Variants in MTUS2 observed in about 807,000 individuals in gnomAD.
MTUS2 encodes the protein microtubule associated scaffold protein 2, also known as microtubule-associated tumor suppressor candidate 2.
MTUS2 carries 40 observed loss-of-function variants against 114.1 expected under a neutral mutation model. The ratio of observed to expected loss-of-function variants is 0.35; its 90% CI spans 0.27 to 0.46. The LOEUF is 0.46. Ranked by LOEUF, MTUS2 falls within the 20% of genes least tolerant of loss-of-function variation. The pLI is 1.00. For synonymous variants in MTUS2, 688 were observed against 672.0 expected (o/e 1.02, Z -0.37); for missense variants, 1,679 against 1,705.4 (o/e 0.98, Z 0.27).
intron 9 of MTUS2, among the ~76,000 whole-genome samples, chr13:29,453,212 G>A (rs1381333613): frequency 1.3e-5 from 2 of 152,158 alleles, no homozygotes; most frequent in African/African-American, 4.8e-5. Flanking sequence ...ATATAACCTG[G>A]AAATGGCTGA....
chr13:28,992,958 G>A (rs75555449), intron 2 of MTUS2, among the ~76,000 whole-genome samples: 2,689 of 152,230 alleles, frequency 0.018, 83 homozygotes, highest in African/African-American at 0.061. Context: ...TACCTTATGT[G>A]AGTGGAATCA....
rs561157110 is a variant in MTUS2, at chr13:29,463,510, C to T, written c.3185-16640C>T. On this transcript the variant is annotated intron_variant, in intron 9 of 15. Transcript: ENST00000612955. ...TTGTGCCTGTTGACTTCAGTTTTCC[C>T]AGTGAAGTAGGCTCCAAGGGCACAC... Among the ~76,000 whole-genome samples the T allele has an allele frequency of 3.8e-4, 58 of 152,258 alleles. 1 individual carries two copies. The highest frequency in any genetic ancestry group is 6.8e-3 in the Middle Eastern group (2 of 294).
intron 5 of MTUS2, among the ~76,000 whole-genome samples, chr13:29,125,196 C>T (rs951795946): frequency 6.6e-6 from 1 of 152,184 alleles, no homozygotes; most frequent in African/African-American, 2.4e-5. Context: ...TAAAATGTCA[C>T]TTTGATAACT....
chr13:28,871,523 A>C (rs1877616690), intron 2 of MTUS2, among the ~76,000 whole-genome samples: 1 of 152,214 alleles, frequency 6.6e-6, no homozygotes, highest in Non-Finnish European at 1.5e-5. Context: ...CAATGAGATT[A>C]CATTCATTCA....
chr13:29,210,619 C>A (rs1895385620), intron 5 of MTUS2, among the ~76,000 whole-genome samples: 1 of 152,178 alleles, frequency 6.6e-6, no homozygotes, highest in Non-Finnish European at 1.5e-5. Context: ...CCACAGGGTG[C>A]TCGCTTTATG....
intron 5 of MTUS2, among the ~76,000 whole-genome samples, chr13:29,279,303 G>T (rs2139531891): frequency 6.6e-6 from 1 of 152,256 alleles, no homozygotes; most frequent in East Asian, 1.9e-4. Context: ...CAAGTGGAAG[G>T]GTAGGTAAAT....
At chr13:29,471,742 G>GCCTCCCCCC (rs1555283285) in intron 9 of MTUS2, among the ~76,000 whole-genome samples, 1 of 131,602 alleles carries the variant, frequency 7.6e-6, no homozygotes, top group African/African-American at 3.1e-5. Context: ...TGCAGGCCCA[G>GCCTCCCCCC]CCCCCCCCGA....
chr13:29,188,852 C>T (rs1388342917), intron 5 of MTUS2, among the ~76,000 whole-genome samples: 2 of 152,204 alleles, frequency 1.3e-5, no homozygotes, highest in Non-Finnish European at 2.9e-5. Flanking sequence ...GCACGCAAAC[C>T]TGCCAAAGCC....
chr13:29,466,064 C>T (rs1322108814), intron 9 of MTUS2, among the ~76,000 whole-genome samples: 1 of 152,234 alleles, frequency 6.6e-6, no homozygotes, highest in African/African-American at 2.4e-5. Flanking sequence ...GAAGGTTGGA[C>T]ACTGTCCTGG....
chr13:28,981,237 T>C (rs1233165132), intron 2 of MTUS2, among the ~76,000 whole-genome samples: 1 of 152,176 alleles, frequency 6.6e-6, no homozygotes, highest in Non-Finnish European at 1.5e-5. Flanking sequence ...ACTACTAATA[T>C]ATGAACCCAC....
intron 4 of MTUS2, among the ~76,000 whole-genome samples, chr13:29,061,845 T>C (rs1888434639): frequency 6.6e-6 from 1 of 152,264 alleles, no homozygotes; most frequent in Non-Finnish European, 1.5e-5. Context: ...TAATTCTTCA[T>C]GTGTGAACTT....
At chr13:29,031,138 G>A (rs1446085314) in intron 3 of MTUS2, among the ~76,000 whole-genome samples, 1 of 151,936 alleles carries the variant, frequency 6.6e-6, no homozygotes, top group Non-Finnish European at 1.5e-5. Flanking sequence ...AGTGTACAGA[G>A]GTGTGATCCA....
intron 2 of MTUS2, among the ~76,000 whole-genome samples, chr13:29,023,642 A>T (rs1017579476): frequency 1.3e-5 from 2 of 152,236 alleles, no homozygotes; most frequent in Non-Finnish European, 2.9e-5. Flanking sequence ...TGTACCTTAT[A>T]TACAGTCCAT....
chr13:29,383,252 G>GTGTGTGTGTGTGTGTGTGTATT lies in MTUS2; in HGVS notation c.3117+23780_3117+23781insGTGTGTGTGTGTGTGTGTATTT, dbSNP rs5802519. ...TGTGTGTGTGTGTGTGTGTGTGTGT[G>GTGTGTGTGTGTGTGTGTGTATT]TATTTATTTTTCTCATGCAGGTCTT... On this transcript the variant is annotated intron_variant, in intron 8 of 15. Coordinates refer to ENST00000612955, the MANE Select transcript of MTUS2 (RefSeq NM_001033602.4). Among the ~76,000 whole-genome samples the GTGTGTGTGTGTGTGTGTGTATT allele has an allele frequency of 3.5e-3, 478 of 135,944 alleles. 3 individuals carry two copies. Among genetic ancestry groups the GTGTGTGTGTGTGTGTGTGTATT allele is most frequent in the Admixed American group, 4.7e-3 (64 of 13,476 alleles). 89.2% of individuals were successfully genotyped at this position (135,944 alleles called of 152,430 possible).
At chr13:29,081,388 A>G (rs1391214011) in intron 4 of MTUS2, among the ~76,000 whole-genome samples, 1 of 152,046 alleles carries the variant, frequency 6.6e-6, no homozygotes, top group African/African-American at 2.4e-5. Context: ...CATACTATAT[A>G]TTATTTTATT....
chr13:29,361,184 C>T (rs919967914), intron 8 of MTUS2, among the ~76,000 whole-genome samples: 1 of 152,186 alleles, frequency 6.6e-6, no homozygotes, highest in South Asian at 2.1e-4. Context: ...GGCTCTCAAA[C>T]CAGAGACCAA....
At chr13:29,205,549 C>T (rs562367891) in intron 5 of MTUS2, among the ~76,000 whole-genome samples, 36 of 152,188 alleles carry the variant, frequency 2.4e-4, no homozygotes, top group Non-Finnish European at 5.0e-4. Flanking sequence ...AGTCTTTCAT[C>T]CCTCACTCAC....
chr13:29,317,892 C>G (rs140542798), intron 6 of MTUS2, among the ~76,000 whole-genome samples: 7 of 152,200 alleles, frequency 4.6e-5, no homozygotes, highest in Admixed American at 2.6e-4. Flanking sequence ...CAGAATCTGT[C>G]TTTTCTGATT....
intron 1 of MTUS2, among the ~76,000 whole-genome samples, chr13:28,824,605 C>T (rs1273343486): frequency 1.3e-5 from 2 of 152,018 alleles, no homozygotes; most frequent in African/African-American, 4.8e-5. Flanking sequence ...ACTGAAGTCT[C>T]TTTCTCTCAC....
Sources: allele counts gnomAD v4.1 joint callset (sites outside exome capture counted in the v4.1 genomes callset), GRCh38; gene constraint gnomAD v4.1.1; transcripts MANE v1.5; gene names NCBI Gene and HGNC (gene_info 2026-07-23, HGNC 2026-07-21).